The following USH2A variants were observed in gnomAD, a reference collection of about 807,000 sequenced individuals.
The protein encoded by USH2A is usherin, also known as Usher syndrome 2A (autosomal recessive, mild).
In USH2A, 443 loss-of-function variants were observed where a neutral mutation model predicts 538.9. That is an observed-to-expected ratio of 0.82 (90% CI 0.76 to 0.89). The LOEUF is 0.89. Ranked by LOEUF, USH2A falls within the 40% of genes least tolerant of loss-of-function variation. The pLI, the probability that USH2A is intolerant of heterozygous loss-of-function variation, is 0.00. For synonymous variants in USH2A, 2,413 were observed against 2,273.5 expected, an observed-to-expected ratio of 1.06 and a Z score of -1.75; for missense variants, 6,633 against 6,324.8, an observed-to-expected ratio of 1.05 and a Z score of -1.65.
At chr1:216,403,041 C>A (rs898537355) in intron 3 of USH2A, among the ~76,000 whole-genome samples, 11 of 151,968 alleles carry the variant, frequency 7.2e-5, no homozygotes, top group Non-Finnish European at 4.4e-5. Flanking sequence ...CAATTCAGCA[C>A]TATATAAAAG....
chr1:216,129,491 A>G (rs2033324309), intron 21 of USH2A, among the ~76,000 whole-genome samples: 1 of 152,112 alleles, frequency 6.6e-6, no homozygotes, highest in Non-Finnish European at 1.5e-5. Context: ...AAATACCTGG[A>G]ATAAACTAAA....
intron 21 of USH2A, chr1:216,174,586 T>C (rs2034338453): frequency 1.0e-6 from 1 of 980,944 alleles, no homozygotes; most frequent in African/African-American, 1.7e-5. Context: ...CATTAAAATT[T>C]ACATTAACAC....
At chr1:216,106,515 T>A (rs1443309562) in intron 21 of USH2A, among the ~76,000 whole-genome samples, 2 of 151,332 alleles carry the variant, frequency 1.3e-5, no homozygotes, top group East Asian at 1.9e-4. Flanking sequence ...GATAGATTTT[T>A]AAAATTAATC....
At chr1:216,300,939 AG>A (rs1391154391) in intron 9 of USH2A, among the ~76,000 whole-genome samples, 1 of 151,816 alleles carries the variant, frequency 6.6e-6, no homozygotes, top group Non-Finnish European at 1.5e-5. Flanking sequence ...TGGTAGAGAC[AG>A]GGTTTCACCT....
At chr1:216,161,054 CTT>C (rs888826677) in intron 21 of USH2A, among the ~76,000 whole-genome samples, 9 of 152,022 alleles carry the variant, frequency 5.9e-5, no homozygotes, top group Non-Finnish European at 1.0e-4. Context: ...CATCTTATCT[CTT>C]TCTTTGTTTT....
In USH2A at chr1:215,674,694, A is replaced by G. The variant is rs745693690; in HGVS notation, c.13217T>C (p.Leu4406Pro). The G allele has an allele frequency of 1.2e-5, 19 of 1,614,034 alleles. No individual in the cohort carries two copies. The African/African-American group carries it at 2.0e-4, about 17-fold the overall frequency. Residue 4406 changes from leucine to proline, a missense_variant, in exon 63 of 72, where the codon CTG (leucine) becomes CCG (proline). By Grantham distance (98) the Leu-to-Pro change is moderately conservative. Coordinates refer to ENST00000307340, the MANE Select transcript of USH2A (RefSeq NM_206933.4). ...KESLAGQGLC[L>P]LVSHLQPYSQ... ...GTAAGGCTGCAGGTGGGAAACCAGC[A>G]GGCACAGGCCCTGGCCAGCAAGGGA... is the stretch of plus-strand genomic sequence containing the variant.
intron 43 of USH2A, among the ~76,000 whole-genome samples, chr1:215,872,949 A>G (rs1664661232): frequency 6.6e-6 from 1 of 152,122 alleles, no homozygotes; most frequent in Non-Finnish European, 1.5e-5. Context: ...CACCAGAGGA[A>G]GACGCTGGCA....
intron 63 of USH2A, among the ~76,000 whole-genome samples, chr1:215,671,527 C>CA (rs568890200): frequency 1.1e-3 from 169 of 150,810 alleles, no homozygotes; most frequent in African/African-American, 3.7e-3. Context: ...GACTCTGTCT[C>CA]AAAAAAAAAT....
At chr1:216,048,682 T>G (rs2030629876) in intron 30 of USH2A, 35 bp from the exon 31 acceptor site, 1 of 1,551,358 alleles carries the variant, frequency 6.4e-7, no homozygotes, top group South Asian at 1.1e-5. Flanking sequence ...GGTTGCGTGT[T>G]TACCATAAGC....
At chr1:216,229,263 C>T (rs2035627889) in intron 14 of USH2A, among the ~76,000 whole-genome samples, 1 of 151,822 alleles carries the variant, frequency 6.6e-6, no homozygotes, top group South Asian at 2.1e-4. Flanking sequence ...TTCTAGACTC[C>T]AACCTGCCCC....
At chr1:216,401,837 C>A (rs2039311072) in intron 3 of USH2A, among the ~76,000 whole-genome samples, 2 of 151,924 alleles carry the variant, frequency 1.3e-5, no homozygotes, top group African/African-American at 2.4e-5. Context: ...AATAGATAAG[C>A]CCACAATTAA....
At chr1:216,034,041 C>T (rs966868412) in intron 32 of USH2A, among the ~76,000 whole-genome samples, 1 of 152,068 alleles carries the variant, frequency 6.6e-6, no homozygotes, top group Non-Finnish European at 1.5e-5. Flanking sequence ...ACACTTGTAG[C>T]AGGAGTGCCC....
At position 216,247,083 on chromosome 1, in the gene USH2A, C is replaced by G. The variant is rs1186354124; in HGVS notation, c.2311G>C (p.Glu771Gln). The change falls in exon 13 of 72, where the codon GAA becomes CAA. Residue 771 changes from glutamate (E) to glutamine (Q), a missense_variant. Coordinates refer to ENST00000307340, the MANE Select transcript of USH2A (RefSeq NM_206933.4). Reference sequence around the variant, plus strand: ...GTGTCACACTGAAGTCCTTTGGCTTCTTTTTTGCACTCACACTGCCCAGAG... The same window carrying G: ...GTGTCACACTGAAGTCCTTTGGCTTGTTTTTTGCACTCACACTGCCCAGAG... ...PHSGQCECKKEAKGLQCDTCR... is the reference protein window; with the variant it reads ...PHSGQCECKKQAKGLQCDTCR... The G allele has an allele frequency of 6.2e-7, 1 of 1,613,882 alleles. No individual in the cohort carries two copies. Among genetic ancestry groups the G allele is most frequent in the African/African-American group, 1.3e-5 (1 of 74,892 alleles).
chr1:216,143,662 A>G (rs566028294), intron 21 of USH2A, among the ~76,000 whole-genome samples: 122 of 152,328 alleles, frequency 8.0e-4, no homozygotes, highest in South Asian at 1.9e-3. Flanking sequence ...TTTACATAGC[A>G]TAGCTCTTCA....
intron 44 of USH2A, among the ~76,000 whole-genome samples, chr1:215,856,022 T>C (rs1216249686): frequency 2.6e-5 from 4 of 152,278 alleles, no homozygotes; most frequent in Middle Eastern, 3.4e-3. Context: ...TCTCACCTTG[T>C]ACAAAAATCA....
At chr1:216,196,311 G>A (rs1359193263) in intron 19 of USH2A, among the ~76,000 whole-genome samples, 1 of 151,428 alleles carries the variant, frequency 6.6e-6, no homozygotes, top group Non-Finnish European at 1.5e-5. Context: ...CATGATAAAT[G>A]GAAAAAAAAC....
intron 20 of USH2A, among the ~76,000 whole-genome samples, chr1:216,182,368 A>C (rs892109877): frequency 6.6e-6 from 1 of 152,036 alleles, no homozygotes; most frequent in African/African-American, 2.4e-5. Context: ...ATGAAGCTAT[A>C]ATTGTGTATT....
intron 40 of USH2A, 103 bp from the exon 41 acceptor site, chr1:215,889,157 A>G (rs1475270182): frequency 7.3e-7 from 1 of 1,377,924 alleles, no homozygotes; most frequent in Non-Finnish European, 1.0e-6. Context: ...TATGAAAATG[A>G]ACACTTGGTA....
chr1:215,888,364 A>G, intron 41 of USH2A, 62 bp downstream of exon 41: 8 of 1,606,356 alleles, frequency 5.0e-6, no homozygotes, highest in Non-Finnish European at 5.9e-6. Context: ...TCTGTTCAAC[A>G]CAGAGTCAAT....
Sources: gnomAD v4.1 joint callset for allele counts (sites outside exome capture counted in the v4.1 genomes callset) on GRCh38, gnomAD v4.1.1 for gene constraint, MANE v1.5 for transcripts, NCBI Gene and HGNC (gene_info 2026-07-23, HGNC 2026-07-21) for gene names.